CPEB1: variants seen among roughly 807,000 people sequenced by gnomAD.
CPEB1 encodes cytoplasmic polyadenylation element-binding protein 1.
Under a neutral mutation model 65.8 loss-of-function variants are expected in CPEB1, and 7 were observed. The ratio of observed to expected loss-of-function variants is 0.11; its 90% CI spans 0.06 to 0.20. The LOEUF (loss-of-function observed/expected upper bound fraction) is 0.20. Among genes scored for constraint, CPEB1 ranks in the 10% least tolerant of loss-of-function variants. The pLI is 1.00. For missense variants in CPEB1, 551 were observed against 712.2 expected, an observed-to-expected ratio of 0.77 and a Z score of 2.58; for synonymous variants, 262 against 260.0, an observed-to-expected ratio of 1.01 and a Z score of -0.08.
intron 3 of CPEB1, among the ~76,000 whole-genome samples, chr15:82,590,961 G>A (rs544337057): frequency 3.9e-5 from 6 of 152,272 alleles, no homozygotes; most frequent in Admixed American, 3.9e-4. Context: ...ATTGTGAATA[G>A]CACTGCAATG....
intron 1 of CPEB1, among the ~76,000 whole-genome samples, chr15:82,633,442 C>T (rs931692166): frequency 2.0e-5 from 3 of 152,202 alleles, no homozygotes; most frequent in African/African-American, 7.2e-5. Flanking sequence ...GCTCAATCTC[C>T]GCTCTCTGTA....
At chr15:82,627,430 C>T in intron 2 of CPEB1, 63 bp from the exon 3 acceptor site, 1 of 1,272,324 alleles carries the variant, frequency 7.9e-7, no homozygotes. Context: ...CCTTTCTCTC[C>T]ACATTACGAA....
At chr15:82,623,796 T>A (rs1364867654) in intron 3 of CPEB1, among the ~76,000 whole-genome samples, 5 of 152,234 alleles carry the variant, frequency 3.3e-5, no homozygotes, top group Non-Finnish European at 7.3e-5. Context: ...CACTTTTTTT[T>A]ACACCTGTTT....
At chr15:82,642,616 G>T (rs1465322644) in intron 1 of CPEB1, among the ~76,000 whole-genome samples, 2 of 152,076 alleles carry the variant, frequency 1.3e-5, no homozygotes, top group Non-Finnish European at 2.9e-5. Context: ...AGTGCTTCTG[G>T]GTCTTAATTC....
intron 9 of CPEB1, among the ~76,000 whole-genome samples, chr15:82,550,534 T>C (rs1175004041): frequency 6.6e-6 from 1 of 152,106 alleles, no homozygotes; most frequent in Non-Finnish European, 1.5e-5. Flanking sequence ...TCAGGCCTGG[T>C]AGGTGCTGGG....
chr15:82,600,897 C>CTTTTTTT (rs751843256), intron 3 of CPEB1, among the ~76,000 whole-genome samples: 6 of 64,186 alleles, frequency 9.3e-5, no homozygotes, highest in African/African-American at 3.1e-4. Flanking sequence ...CAGAACTTGT[C>CTTTTTTT]TTTTTTTTTT....
intron 3 of CPEB1, among the ~76,000 whole-genome samples, chr15:82,617,704 T>C (rs1019666426): frequency 2.0e-5 from 3 of 151,526 alleles, no homozygotes; most frequent in Non-Finnish European, 2.9e-5. Context: ...TTTCTATTAA[T>C]TGTTATTAAT....
Position 82,643,667 on chromosome 15 carries a change from AT to A in CPEB1, c.-98+3469del, listed in dbSNP as rs1161938689. 3.0e-4 allele frequency among the ~76,000 whole-genome samples: 44 copies of A among 148,026 alleles called. No individual in the cohort carries two copies. The Admixed American group carries it at 3.0e-3, about 10-fold the overall frequency. On this transcript the variant is annotated intron_variant, in intron 1 of 12. Coordinates refer to ENST00000684509, the MANE Select transcript of CPEB1 (RefSeq NM_001365242.1). ...GAAAATGAAATATAGGAAAAAAAAA[AT>A]GTACATACCCCTTTACATCCGTAAG...
At chr15:82,618,010 G>C (rs2044914124) in intron 3 of CPEB1, among the ~76,000 whole-genome samples, 1 of 151,604 alleles carries the variant, frequency 6.6e-6, no homozygotes, top group African/African-American at 2.4e-5. Flanking sequence ...TGGGATTACA[G>C]GTAAAGTTTT....
In CPEB1 at chr15:82,616,290, A is replaced by C. The variant is rs2044700428; in HGVS notation, c.271+10903T>G. Among the ~76,000 whole-genome samples the C allele has an allele frequency of 3.9e-5, 6 of 152,222 alleles. No individual in the cohort carries two copies. In the South Asian group the frequency reaches 1.2e-3, roughly 32 times the overall value. On this transcript the variant is annotated intron_variant, in intron 3 of 12. Transcript: ENST00000684509. ...GTGCATTTTCCTCAGTGTATGTTTT[A>C]TTTACATAAAAATGTAAAACGATGT...
intron 3 of CPEB1, chr15:82,573,170 C>T (rs1300317151): frequency 3.9e-6 from 6 of 1,533,846 alleles, no homozygotes; most frequent in East Asian, 2.4e-5. Context: ...TGCAGTACAC[C>T]CTGTGTCCAC....
At chr15:82,607,169 A>G (rs1596097384) in intron 3 of CPEB1, among the ~76,000 whole-genome samples, 2 of 152,054 alleles carry the variant, frequency 1.3e-5, no homozygotes, top group East Asian at 3.8e-4. Context: ...TGTATATCTT[A>G]TCAGTAATTA....
intron 1 of CPEB1, among the ~76,000 whole-genome samples, chr15:82,634,992 T>C (rs2046544369): frequency 6.6e-6 from 1 of 152,206 alleles, no homozygotes; most frequent in Non-Finnish European, 1.5e-5. Flanking sequence ...TAGCTGGGAC[T>C]ACAGGCATGT....
intron 3 of CPEB1, among the ~76,000 whole-genome samples, chr15:82,604,125 G>A (rs2043349589): frequency 6.6e-6 from 1 of 152,152 alleles, no homozygotes; most frequent in Non-Finnish European, 1.5e-5. Context: ...CAGAACGAAG[G>A]ATCACTTGAG....
chr15:82,570,736 A>AC (rs1277118136), intron 4 of CPEB1, among the ~76,000 whole-genome samples: 66 of 151,460 alleles, frequency 4.4e-4, no homozygotes, highest in Admixed American at 9.9e-4. Flanking sequence ...AAAAAAAAAA[A>AC]AGATTCTATA....
At chr15:82,603,774 TA>T (rs2043317386) in intron 3 of CPEB1, among the ~76,000 whole-genome samples, 1 of 152,178 alleles carries the variant, frequency 6.6e-6, no homozygotes, top group Non-Finnish European at 1.5e-5. Flanking sequence ...AGTGGCCACA[TA>T]TTTAAAAAAT....
intron 3 of CPEB1, among the ~76,000 whole-genome samples, chr15:82,593,215 C>T (rs2042401853): frequency 6.6e-6 from 1 of 152,200 alleles, no homozygotes; most frequent in Non-Finnish European, 1.5e-5. Flanking sequence ...TCATGTGATG[C>T]TGTTTGATAA....
At chr15:82,560,737 T>C (rs1266713272) in intron 4 of CPEB1, among the ~76,000 whole-genome samples, 1 of 151,724 alleles carries the variant, frequency 6.6e-6, no homozygotes, top group Non-Finnish European at 1.5e-5. Context: ...AAAGGAGATC[T>C]GCAGAGCTGT....
intron 6 of CPEB1, among the ~76,000 whole-genome samples, 176 bp from the exon 7 acceptor site, chr15:82,554,167 C>T (rs1047026214): frequency 6.6e-6 from 1 of 152,218 alleles, no homozygotes; most frequent in African/African-American, 2.4e-5. Flanking sequence ...CACCAATCCA[C>T]TCAGTCAAGT....
Sources: gnomAD v4.1 joint callset for allele counts (sites outside exome capture counted in the v4.1 genomes callset) on GRCh38, gnomAD v4.1.1 for gene constraint, MANE v1.5 for transcripts, NCBI Gene and HGNC (gene_info 2026-07-23, HGNC 2026-07-21) for gene names.